Variants in EXOC4 observed in about 807,000 individuals in gnomAD.
EXOC4 encodes the protein SEC8-like 1.
Under a neutral mutation model 107.2 loss-of-function variants are expected in EXOC4, and 71 were observed. That is an observed-to-expected ratio of 0.66 (90% CI 0.55 to 0.81). The LOEUF is 0.81. Ranked by LOEUF, EXOC4 falls within the 30% of genes least tolerant of loss-of-function variation. The pLI, the probability that EXOC4 is intolerant of heterozygous loss-of-function variation, is 0.00. For synonymous variants in EXOC4, 456 were observed against 441.2 expected, an observed-to-expected ratio of 1.03 and a Z score of -0.42; for missense variants, 1,108 against 1,189.6, an observed-to-expected ratio of 0.93 and a Z score of 1.01.
chr7:133,462,070 ATAT>A (rs1584935699), intron 7 of EXOC4, among the ~76,000 whole-genome samples: 1 of 152,224 alleles, frequency 6.6e-6, no homozygotes, highest in African/African-American at 2.4e-5. Flanking sequence ...ATAAGTATAA[ATAT>A]TAATATGAAC....
chr7:133,618,144 C>T (rs772652295), intron 9 of EXOC4, among the ~76,000 whole-genome samples: 15 of 151,992 alleles, frequency 9.9e-5, no homozygotes, highest in Non-Finnish European at 1.0e-4. Flanking sequence ...AAACTTTCAC[C>T]TTAATGACTC....
the EXOC4 span, among the ~76,000 whole-genome samples, chr7:134,089,886 A>G: frequency 2.0e-5 from 3 of 152,214 alleles, no homozygotes; most frequent in African/African-American, 7.2e-5. Flanking sequence ...AATGCTTCAA[A>G]GTAGGTAAAC....
chr7:133,955,679 A>T (rs867101628), intron 14 of EXOC4, among the ~76,000 whole-genome samples: 6 of 152,152 alleles, frequency 3.9e-5, no homozygotes, highest in Admixed American at 3.9e-4. Flanking sequence ...GCTGCTGTTC[A>T]TGGTGCCCAG....
intron 14 of EXOC4, among the ~76,000 whole-genome samples, chr7:133,980,804 ATTAT>A (rs1793962913): frequency 5.1e-5 from 4 of 79,064 alleles, no homozygotes; most frequent in Non-Finnish European, 1.2e-4. Flanking sequence ...TGAACTGTTA[ATTAT>A]TCTAGGGATT....
intron 9 of EXOC4, among the ~76,000 whole-genome samples, chr7:133,587,793 A>AC (rs1388294662): frequency 6.6e-6 from 1 of 152,206 alleles, no homozygotes; most frequent in Non-Finnish European, 1.5e-5. Context: ...AGTTATCCAG[A>AC]GAAGAGTTAA....
intron 3 of EXOC4, among the ~76,000 whole-genome samples, chr7:133,302,068 T>C (rs1794653166): frequency 6.6e-6 from 1 of 152,038 alleles, no homozygotes; most frequent in Non-Finnish European, 1.5e-5. Context: ...GTTGTAGACT[T>C]ATATCTCAAC....
At chr7:133,787,984 TA>T (rs1796622331) in intron 10 of EXOC4, among the ~76,000 whole-genome samples, 1 of 90,194 alleles carries the variant, frequency 1.1e-5, no homozygotes, top group Non-Finnish European at 2.2e-5. Flanking sequence ...TATATATATA[TA>T]TATATATATA....
intron 6 of EXOC4, among the ~76,000 whole-genome samples, chr7:133,369,800 CTTTTTTTTTTTTT>C (rs35258276): frequency 1.2e-5 from 1 of 86,668 alleles, no homozygotes; most frequent in East Asian, 3.4e-4. Flanking sequence ...ACTAGATTTC[CTTTTTTTTTTTTT>C]TTTTTTTTTT....
chr7:133,855,153 ATAAATATATATAT>A (rs1329163340), intron 11 of EXOC4, among the ~76,000 whole-genome samples: 10 of 135,828 alleles, frequency 7.4e-5, no homozygotes, highest in African/African-American at 3.0e-4. Flanking sequence ...AAATATATAT[ATAAATATATATAT>A]TTTTTTTATC....
At chr7:134,003,171 T>C (rs991433312) in intron 15 of EXOC4, among the ~76,000 whole-genome samples, 3 of 152,122 alleles carry the variant, frequency 2.0e-5, no homozygotes, top group African/African-American at 7.2e-5. Flanking sequence ...ATCAAATGCT[T>C]TGTGCTAAGT....
chr7:133,302,491 A>G (rs1794662217), intron 3 of EXOC4, among the ~76,000 whole-genome samples: 1 of 152,314 alleles, frequency 6.6e-6, no homozygotes, highest in East Asian at 1.9e-4. Flanking sequence ...GTGACTCATT[A>G]TTATATAGTA....
chr7:133,604,710 C>CTTTTTTTTTT lies in EXOC4; in HGVS notation c.1418-25313_1418-25304dup, dbSNP rs61548710. ...TCTTTCCTTCCTTCCTTCCTTCTTT[C>CTTTTTTTTTT]TTTTTTTTTTTTTTTTTTTTTTTTT... On this transcript the variant is annotated intron_variant, in intron 9 of 17. Transcript: ENST00000253861. 7.2e-4 allele frequency among the ~76,000 whole-genome samples: 36 copies of CTTTTTTTTTT among 50,272 alleles called. 2 individuals carry two copies. The highest frequency in any genetic ancestry group is 1.2e-3 in the African/African-American group (16 of 12,868). 33.0% of individuals were successfully genotyped at this position (50,272 alleles called of 152,430 possible).
At chr7:133,496,210 A>G (rs1190507168) in intron 9 of EXOC4, among the ~76,000 whole-genome samples, 1 of 151,942 alleles carries the variant, frequency 6.6e-6, no homozygotes, top group East Asian at 1.9e-4. Flanking sequence ...AGTGCAGTGC[A>G]CCGGTGTGAT....
Position 133,417,134 on chromosome 7 carries a change from A to T in EXOC4, c.1182+42132A>T, listed in dbSNP as rs146595336. Among the ~76,000 whole-genome samples, 103 of 152,344 alleles carry T rather than the reference A, an allele frequency of 6.8e-4. 1 individual carries two copies. In the East Asian group the frequency reaches 0.019, roughly 28 times the overall value. ...AATAGAAGGGATTTGCAGGGCTGCAAGGAAAGATTTGGTGGCGACATGGCA... is the reference window on the plus strand; with the variant it reads ...AATAGAAGGGATTTGCAGGGCTGCATGGAAAGATTTGGTGGCGACATGGCA... On this transcript the variant is annotated intron_variant, in intron 7 of 17. Transcript: ENST00000253861.
intron 9 of EXOC4, among the ~76,000 whole-genome samples, chr7:133,517,424 C>T (rs923076727): frequency 3.9e-5 from 6 of 152,118 alleles, no homozygotes; most frequent in South Asian, 2.1e-4. Context: ...TTCCTTCCCC[C>T]GCTCCATGTG....
At chr7:133,736,944 GT>G (rs1251650286) in intron 10 of EXOC4, among the ~76,000 whole-genome samples, 3 of 152,046 alleles carry the variant, frequency 2.0e-5, no homozygotes, top group African/African-American at 7.2e-5. Context: ...AATTGTTTTT[GT>G]TTTTTCTTTC....
At chr7:133,982,978 G>A (rs949230930) in intron 14 of EXOC4, among the ~76,000 whole-genome samples, 3 of 152,196 alleles carry the variant, frequency 2.0e-5, no homozygotes, top group African/African-American at 7.2e-5. Context: ...AAATACCTGA[G>A]ACTGAGTAAT....
intron 14 of EXOC4, among the ~76,000 whole-genome samples, chr7:133,983,015 C>G (rs1184732273): frequency 1.3e-5 from 2 of 152,182 alleles, no homozygotes; most frequent in African/African-American, 4.8e-5. Flanking sequence ...TTAATTGGCT[C>G]ATGTTTCTGC....
At chr7:133,813,090 C>T (rs1040068977) in intron 10 of EXOC4, among the ~76,000 whole-genome samples, 2 of 152,114 alleles carry the variant, frequency 1.3e-5, no homozygotes, top group Non-Finnish European at 2.9e-5. Flanking sequence ...GGGCTGACAA[C>T]GTCAACCTGT....
Sources: allele counts gnomAD v4.1 joint callset (sites outside exome capture counted in the v4.1 genomes callset), GRCh38; gene constraint gnomAD v4.1.1; transcripts MANE v1.5; gene names NCBI Gene and HGNC (gene_info 2026-07-23, HGNC 2026-07-21).